The following ITPR2 variants were observed in gnomAD, a reference collection of about 807,000 sequenced individuals.
ITPR2 encodes the protein inositol 1,4,5-trisphosphate receptor type 2.
ITPR2 carries 207 observed loss-of-function variants against 317.1 expected under a neutral mutation model. The observed-to-expected ratio is 0.65, with a 90% CI of 0.58 to 0.73. The LOEUF (loss-of-function observed/expected upper bound fraction) is 0.73, where lower values mean the gene tolerates loss of function less well. Ranked by LOEUF, ITPR2 falls within the 30% of genes least tolerant of loss-of-function variation. The pLI is 0.00. For missense variants in ITPR2, 2,613 were observed against 3,284.0 expected (o/e 0.80, Z 4.99); for synonymous variants, 1,156 against 1,149.1 (o/e 1.01, Z -0.12).
chr12:26,486,394 C>T (rs757638405), intron 40 of ITPR2, 34 bp from the exon 41 acceptor site: 10 of 1,513,930 alleles, frequency 6.6e-6, no homozygotes, highest in East Asian at 4.6e-5. Context: ...TATTTCTGAA[C>T]CAATTTGCTT....
intron 52 of ITPR2, among the ~76,000 whole-genome samples, chr12:26,401,049 G>T (rs538765349): frequency 3.0e-4 from 44 of 147,826 alleles, no homozygotes; most frequent in Admixed American, 5.1e-4. Context: ...GGCCAACATG[G>T]AGAAACCCTA....
intron 49 of ITPR2, among the ~76,000 whole-genome samples, chr12:26,423,809 A>G (rs1332726948): frequency 6.6e-6 from 1 of 152,112 alleles, no homozygotes; most frequent in Non-Finnish European, 1.5e-5. Context: ...TTATAATGAG[A>G]AAAAAACACT....
chr12:26,370,569 C>A (rs759824562), intron 55 of ITPR2, among the ~76,000 whole-genome samples: 1 of 152,178 alleles, frequency 6.6e-6, no homozygotes, highest in South Asian at 2.1e-4. Flanking sequence ...TTCCCCCATG[C>A]GGAATTTTCA....
At chr12:26,717,849 G>A (rs967665683) in intron 5 of ITPR2, among the ~76,000 whole-genome samples, 7 of 152,086 alleles carry the variant, frequency 4.6e-5, no homozygotes, top group African/African-American at 1.7e-4. Flanking sequence ...ATTAAATTAT[G>A]AGCAAAAACA....
intron 21 of ITPR2, among the ~76,000 whole-genome samples, chr12:26,636,614 A>T (rs1462479050): frequency 6.6e-6 from 1 of 152,162 alleles, no homozygotes; most frequent in Non-Finnish European, 1.5e-5. Context: ...TTTCCTTTAT[A>T]CTTCTCCCTT....
rs577995117 is a variant in ITPR2, at chr12:26,749,022, A to T, written c.164-23257T>A. 3.3e-4 allele frequency among the ~76,000 whole-genome samples: 50 copies of T among 152,344 alleles called. 1 individual carries two copies. Among genetic ancestry groups the T allele is most frequent in the African/African-American group, 1.2e-3 (48 of 41,568 alleles). On this transcript the variant is annotated intron_variant, in intron 2 of 56. Coordinates refer to ENST00000381340, the MANE Select transcript of ITPR2 (RefSeq NM_002223.4). ...TTTTATGTATGTGTTAAATGACTAA[A>T]CGAAGTGAGATTCATTACTCAGATT...
rs551960411 is a variant in ITPR2, at chr12:26,608,605, C to T, written c.3463-5899G>A. Among the ~76,000 whole-genome samples the T allele has an allele frequency of 8.6e-5, 13 of 151,232 alleles. No homozygotes were observed. The South Asian group carries it at 2.5e-3, about 29-fold the overall frequency. On this transcript the variant is annotated intron_variant, in intron 26 of 56. Coordinates refer to ENST00000381340, the MANE Select transcript of ITPR2 (RefSeq NM_002223.4). ...TAATTGAGGAGCTCCTCTGCTTGGC[C>T]GCCCCACTGTCTGGGAAGAGAGGAG...
rs1459906912 is a variant in ITPR2, at chr12:26,663,857, T to A, written c.1552-11A>T. 6.3e-7 allele frequency: 1 copy of A among 1,596,548 alleles called. No homozygotes were observed. Among genetic ancestry groups the A allele is most frequent in the Non-Finnish European group, 8.5e-7 (1 of 1,174,368 alleles). On this transcript the variant is annotated splice_polypyrimidine_tract_variant and intron_variant, in intron 14 of 56. Transcript: ENST00000381340. ...AAGAATTCCAAATACCTATCAGGAA[T>A]AAAAACAGCCACCTATTCTGATGAA... is the stretch of plus-strand genomic sequence containing the variant.
At chr12:26,650,953 G>A (rs1448048070) in intron 21 of ITPR2, among the ~76,000 whole-genome samples, 2 of 152,140 alleles carry the variant, frequency 1.3e-5, no homozygotes, top group African/African-American at 2.4e-5. Flanking sequence ...TTACATTAAA[G>A]ATGCAATAAT....
chr12:26,439,696 A>G (rs759423521), intron 46 of ITPR2, among the ~76,000 whole-genome samples: 4 of 152,158 alleles, frequency 2.6e-5, no homozygotes, highest in Non-Finnish European at 4.4e-5. Context: ...CGCTTATGTT[A>G]TTTGTATCTT....
At chr12:26,507,247 T>C (rs16930908) in intron 37 of ITPR2, among the ~76,000 whole-genome samples, 16,169 of 152,190 alleles carry the variant, frequency 0.11, 1,155 homozygotes, top group African/African-American at 0.2. Context: ...TTCATCAACA[T>C]TTCAAAGCAG....
chr12:26,772,044 G>A (rs1375761356), intron 2 of ITPR2, among the ~76,000 whole-genome samples: 3 of 152,108 alleles, frequency 2.0e-5, no homozygotes, highest in East Asian at 3.9e-4. Context: ...TTGATTTACC[G>A]TGTAACAGCT....
chr12:26,599,094 T>C (rs749830410), intron 30 of ITPR2, 51 bp downstream of exon 30: 26 of 1,515,548 alleles, frequency 1.7e-5, no homozygotes, highest in Non-Finnish European at 2.3e-5. Context: ...AAAATGCATA[T>C]TTGAACATAC....
intron 1 of ITPR2, among the ~76,000 whole-genome samples, chr12:26,803,713 C>G (rs1202625541): frequency 1.3e-5 from 2 of 152,162 alleles, no homozygotes; most frequent in Non-Finnish European, 2.9e-5. Context: ...AGCCTAAGGA[C>G]CTGCCTCTTC....
intron 55 of ITPR2, among the ~76,000 whole-genome samples, chr12:26,344,303 C>T (rs890958108): frequency 6.6e-6 from 1 of 152,084 alleles, no homozygotes; most frequent in African/African-American, 2.4e-5. Flanking sequence ...ATTTTTTCAA[C>T]ATATAACAGC....
chr12:26,744,916 G>A (rs1404418840), intron 2 of ITPR2, among the ~76,000 whole-genome samples: 1 of 152,178 alleles, frequency 6.6e-6, no homozygotes, highest in Non-Finnish European at 1.5e-5. Flanking sequence ...TGAGTATGGA[G>A]GACAACAATT....
Position 26,654,146 on chromosome 12 carries a change from CGGGGAG to C in ITPR2, c.2590-26_2590-21del. 15 of 1,359,346 alleles carry C rather than the reference CGGGGAG, an allele frequency of 1.1e-5. No homozygotes were observed. The highest frequency in any genetic ancestry group is 1.5e-5 in the Non-Finnish European group (15 of 1,020,366). The allele number at this position is 1,359,346 out of a possible 1,614,324, so 84.2% of individuals were successfully genotyped here. ...GACCACCTTAATAAAAAAAAAAAAG[CGGGGAG>C]GGGGAGGGTGAAAGAGTGGAAAAAA... On this transcript the variant is annotated intron_variant, in intron 20 of 56. Transcript: ENST00000381340.
chr12:26,583,384 A>T (rs933687546), intron 32 of ITPR2, among the ~76,000 whole-genome samples: 1 of 151,968 alleles, frequency 6.6e-6, no homozygotes, highest in Non-Finnish European at 1.5e-5. Flanking sequence ...GCTCTTTTCA[A>T]TTGTCATTTC....
intron 55 of ITPR2, among the ~76,000 whole-genome samples, chr12:26,377,025 G>A (rs960729759): frequency 5.9e-5 from 9 of 152,192 alleles, no homozygotes; most frequent in Non-Finnish European, 7.4e-5. Context: ...CACCATGCCC[G>A]GCCCAGGATA....
Sources: gnomAD v4.1 joint callset for allele counts (sites outside exome capture counted in the v4.1 genomes callset) on GRCh38, gnomAD v4.1.1 for gene constraint, MANE v1.5 for transcripts, NCBI Gene and HGNC (gene_info 2026-07-23, HGNC 2026-07-21) for gene names.